Variants in PAN3 observed in about 807,000 individuals in gnomAD.
The protein encoded by PAN3 is PAN2-PAN3 deadenylation complex subunit PAN3.
A neutral mutation model predicts 96.2 loss-of-function variants in PAN3; 19 were observed. That is an observed-to-expected ratio of 0.20 (90% CI 0.14 to 0.29). The LOEUF is 0.29. Ranked by LOEUF, PAN3 falls within the 10% of genes least tolerant of loss-of-function variation. The pLI is 1.00. For synonymous variants in PAN3, 433 were observed against 406.6 expected (o/e 1.06, Z -0.78); for missense variants, 882 against 1,108.1 (o/e 0.80, Z 2.90).
intron 1 of PAN3, among the ~76,000 whole-genome samples, chr13:28,165,536 C>T (rs1453220722): frequency 6.6e-6 from 1 of 152,050 alleles, no homozygotes; most frequent in Non-Finnish European, 1.5e-5. Flanking sequence ...ATCTCTGAAT[C>T]AGTTTGCTTA....
At chr13:28,199,743 T>C (rs1175355487) in intron 5 of PAN3, among the ~76,000 whole-genome samples, 1 of 152,142 alleles carries the variant, frequency 6.6e-6, no homozygotes, top group African/African-American at 2.4e-5. Flanking sequence ...CATTTTTTTT[T>C]CCTTTTGTGT....
At chr13:28,289,917 A>G (rs1442541636) in intron 18 of PAN3, among the ~76,000 whole-genome samples, 1 of 152,144 alleles carries the variant, frequency 6.6e-6, no homozygotes, top group African/African-American at 2.4e-5. Context: ...GAAAGACAAA[A>G]TTTACAGAGA....
chr13:28,179,109 A>G (rs1875431464), intron 4 of PAN3, among the ~76,000 whole-genome samples: 1 of 152,252 alleles, frequency 6.6e-6, no homozygotes. Flanking sequence ...TAGAATTGAT[A>G]GACTAAAATC....
chr13:28,213,716 AAAAAG>A, intron 5 of PAN3, among the ~76,000 whole-genome samples: 1 of 152,164 alleles, frequency 6.6e-6, no homozygotes, highest in Non-Finnish European at 1.5e-5. Flanking sequence ...AAAAAAAAAA[AAAAAG>A]GTTGGGGGAT....
intron 1 of PAN3, among the ~76,000 whole-genome samples, chr13:28,155,756 C>T (rs1872072150): frequency 6.6e-6 from 1 of 151,834 alleles, no homozygotes; most frequent in Non-Finnish European, 1.5e-5. Context: ...GTATAACAAA[C>T]TCTATTCAGG....
intron 6 of PAN3, chr13:28,239,521 G>T (rs1883449241): frequency 1.0e-6 from 1 of 967,384 alleles, no homozygotes; most frequent in Non-Finnish European, 1.4e-6. Flanking sequence ...TTCCACTTGG[G>T]TGTTGAAAGA....
Position 28,266,774 on chromosome 13 carries a change from C to A in PAN3, c.1471C>A (p.Pro491Thr), listed in dbSNP as rs1241737217. Reference sequence around the variant, plus strand: ...ATTCCCTCTAGAACCACTGCCACCTCCCAACCGGATACAGAAATCAAGTAA... The same window carrying A: ...ATTCCCTCTAGAACCACTGCCACCTACCAACCGGATACAGAAATCAAGTAA... ...SLFPLEPLPP[P>T]NRIQKSSNFG... The change falls in exon 10 of 19, where the codon CCC becomes ACC. Residue 491 changes from proline to threonine, a missense_variant. Physicochemically the swap from Pro to Thr is conservative, Grantham distance 38. Coordinates refer to ENST00000380958, the MANE Select transcript of PAN3 (RefSeq NM_175854.8). 5 of 1,609,814 alleles carry A rather than the reference C, an allele frequency of 3.1e-6. No individual in the cohort carries two copies. Among genetic ancestry groups the A allele is most frequent in the Non-Finnish European group, 4.2e-6 (5 of 1,177,848 alleles).
chr13:28,230,524 A>C (rs1882434146), intron 6 of PAN3, among the ~76,000 whole-genome samples: 1 of 152,156 alleles, frequency 6.6e-6, no homozygotes. Flanking sequence ...AAAATCAACT[A>C]AATTGTTCAC....
chr13:28,266,170 A>G (rs372787759), intron 9 of PAN3, among the ~76,000 whole-genome samples: 2 of 152,170 alleles, frequency 1.3e-5, no homozygotes, highest in African/African-American at 4.8e-5. Flanking sequence ...AAAGGTTACC[A>G]TTGTTACCAT....
At chr13:28,229,291 A>G (rs1025090738) in intron 6 of PAN3, among the ~76,000 whole-genome samples, 4 of 152,214 alleles carry the variant, frequency 2.6e-5, no homozygotes, top group African/African-American at 4.8e-5. Flanking sequence ...TAACTGATTT[A>G]TCTAGCGTCA....
At chr13:28,220,527 C>A in intron 6 of PAN3, 149 bp downstream of exon 6, 4 of 899,378 alleles carry the variant, frequency 4.4e-6, no homozygotes, top group Non-Finnish European at 4.6e-6. Flanking sequence ...TACCATAGGC[C>A]AAATGTGTAG....
chr13:28,227,787 G>T (rs1009003778), intron 6 of PAN3, among the ~76,000 whole-genome samples: 1 of 152,168 alleles, frequency 6.6e-6, no homozygotes, highest in Non-Finnish European at 1.5e-5. Context: ...AAGGCATATG[G>T]ACTTCTTGAC....
intron 9 of PAN3, among the ~76,000 whole-genome samples, chr13:28,265,556 C>T (rs1405009336): frequency 6.6e-6 from 1 of 152,176 alleles, no homozygotes; most frequent in African/African-American, 2.4e-5. Flanking sequence ...AATTCTACCT[C>T]ATGGAATTGT....
rs746029631 is a variant in PAN3, at chr13:28,177,862, C to T, written c.620-3C>T. The T allele has an allele frequency of 1.9e-6, 3 of 1,611,978 alleles. No individual in the cohort carries two copies. The South Asian group carries it at 3.3e-5, about 18-fold the overall frequency. On this transcript the variant is annotated splice_polypyrimidine_tract_variant and splice_region_variant and intron_variant, in intron 3 of 18. Coordinates refer to ENST00000380958, the MANE Select transcript of PAN3 (RefSeq NM_175854.8). ...GTGGAAACTTACGTAACTTACCTTT[C>T]AGATCCTCTAACATCACCTGCTTCA...
chr13:28,153,731 C>A (rs115948571), intron 1 of PAN3, among the ~76,000 whole-genome samples: 1 of 152,058 alleles, frequency 6.6e-6, no homozygotes, highest in African/African-American at 2.4e-5. Context: ...AAGACGAACC[C>A]AAACCCAACC....
intron 5 of PAN3, among the ~76,000 whole-genome samples, chr13:28,218,739 G>A (rs1054756776): frequency 4.6e-5 from 7 of 152,108 alleles, no homozygotes; most frequent in African/African-American, 1.7e-4. Flanking sequence ...GTTATTTACT[G>A]TAATTATAGG....
At chr13:28,197,429 A>C (rs2138234007) in intron 5 of PAN3, 83 bp downstream of exon 5, 1 of 1,362,156 alleles carries the variant, frequency 7.3e-7, no homozygotes, top group Admixed American at 2.3e-5. Flanking sequence ...TGGTTGTGAA[A>C]GGATTGGATG....
At chr13:28,167,454 C>G (rs796690054) in intron 1 of PAN3, among the ~76,000 whole-genome samples, 3 of 152,120 alleles carry the variant, frequency 2.0e-5, no homozygotes, top group African/African-American at 7.2e-5. Context: ...AGCCATTGCG[C>G]CCGGCCCAAT....
At chr13:28,168,693 TG>T (rs747608924) in intron 1 of PAN3, among the ~76,000 whole-genome samples, 4 of 151,624 alleles carry the variant, frequency 2.6e-5, no homozygotes, top group Non-Finnish European at 4.4e-5. Context: ...CATTCCAGCC[TG>T]GGCAACAGAG....
Sources: gnomAD v4.1 joint callset for allele counts (sites outside exome capture counted in the v4.1 genomes callset) on GRCh38, gnomAD v4.1.1 for gene constraint, MANE v1.5 for transcripts, NCBI Gene and HGNC (gene_info 2026-07-23, HGNC 2026-07-21) for gene names.